NOTCH2NLR: variants seen among roughly 807,000 people sequenced by gnomAD.
The protein encoded by NOTCH2NLR is notch 2 N-terminal like R (pseudogene).
Under a neutral mutation model 35.6 loss-of-function variants are expected in NOTCH2NLR, and 33 were observed. The observed-to-expected ratio is 0.93, with a 90% CI of 0.70 to 1.24. NOTCH2NLR has a LOEUF of 1.24. Among genes scored for constraint, NOTCH2NLR ranks in the 50% most tolerant of loss-of-function variants. The pLI is 0.00. For synonymous variants in NOTCH2NLR, 103 were observed against 141.0 expected (o/e 0.73, Z 1.91); for missense variants, 276 against 362.2 (o/e 0.76, Z 1.93).
In NOTCH2NLR at chr1:120,759,455, C is replaced by A. The variant is rs1307471515; in HGVS notation, c.74-4173C>A. On this transcript the variant is annotated intron_variant, in intron 1 of 4. Transcript: ENST00000624419. ...TAAAGCATCAGTTTAAACATCAATT[C>A]TCTATGGTATGATTAATGTTTCTTT... Among the ~76,000 whole-genome samples the A allele has an allele frequency of 1.2e-4, 7 of 59,118 alleles. 1 individual carries two copies. The Admixed American group carries it at 1.2e-3, about 10-fold the overall frequency. The allele number at this position is 59,118 out of a possible 152,430, so 38.8% of individuals were successfully genotyped here.
intron 2 of NOTCH2NLR, 22 bp from the exon 3 acceptor site, chr1:120,784,952 G>A: frequency 7.5e-7 from 1 of 1,335,940 alleles, no homozygotes; most frequent in South Asian, 1.3e-5. Context: ...TGTTTTCATG[G>A]ACTCTTCTCT....
chr1:120,752,674 C>A (rs1651038748), intron 1 of NOTCH2NLR, among the ~76,000 whole-genome samples: 1 of 46,858 alleles, frequency 2.1e-5, no homozygotes, highest in Non-Finnish European at 3.4e-5. Flanking sequence ...GGGTTCATGC[C>A]ATTCTCCTGC....
At chr1:120,760,274 G>A (rs1391960624) in intron 1 of NOTCH2NLR, among the ~76,000 whole-genome samples, 5 of 71,764 alleles carry the variant, frequency 7.0e-5, no homozygotes, top group African/African-American at 1.3e-4. Context: ...TGCAACCTCC[G>A]CCCCCCAGGT....
intron 2 of NOTCH2NLR, among the ~76,000 whole-genome samples, chr1:120,769,586 G>T (rs1188216724): frequency 1.6e-5 from 2 of 121,388 alleles, no homozygotes; most frequent in Non-Finnish European, 3.3e-5. Context: ...TGTTTTTTTG[G>T]CTCATTAAAT....
chr1:120,776,013 G>A (rs1459877989), intron 2 of NOTCH2NLR, among the ~76,000 whole-genome samples: 1 of 104,188 alleles, frequency 9.6e-6, no homozygotes, highest in East Asian at 2.3e-4. Flanking sequence ...TAGGTAAATA[G>A]CTCAACCCAG....
intron 1 of NOTCH2NLR, among the ~76,000 whole-genome samples, chr1:120,729,693 A>G (rs1650855568): frequency 8.5e-6 from 1 of 117,624 alleles, no homozygotes; most frequent in Non-Finnish European, 1.6e-5. Context: ...AATAACATTT[A>G]TCAAGCAGTG....
chr1:120,790,535 C>CCTTCCTTCCTTT (rs1256273353), intron 3 of NOTCH2NLR, among the ~76,000 whole-genome samples: 1 of 76,630 alleles, frequency 1.3e-5, no homozygotes, highest in East Asian at 3.2e-4. Flanking sequence ...TTTCTCCCTC[C>CCTTCCTTCCTTT]CTTTCTTTCT....
chr1:120,762,527 G>A lies in NOTCH2NLR; in HGVS notation c.74-1101G>A, dbSNP rs1284084269. Among the ~76,000 whole-genome samples the A allele has an allele frequency of 4.2e-4, 48 of 114,788 alleles. 12 individuals carry two copies. Among genetic ancestry groups the A allele is most frequent in the African/African-American group, 2.0e-3 (44 of 21,812 alleles). The allele number at this position is 114,788 out of a possible 152,430, so 75.3% of individuals were successfully genotyped here. A position where few individuals can be genotyped will look rare whatever the true frequency, so the allele number is the denominator to read the frequency against. On this transcript the variant is annotated intron_variant, in intron 1 of 4. Transcript: ENST00000624419. ...TGTGGTTAGAGGAAACTTGGAGGGG[G>A]GAACTTCTCAGTTTTGCTTTCAGGT...
At position 120,793,404 on chromosome 1, in the gene NOTCH2NLR, G is replaced by T; in HGVS notation, c.659G>T (p.Arg220Ile). The change falls in exon 4 of 5, where the codon AGA becomes ATA. Residue 220 changes from arginine to isoleucine, a missense_variant. Arg to Ile is a moderately conservative substitution (Grantham distance 97). Coordinates refer to ENST00000624419, the Ensembl canonical transcript of NOTCH2NLR. The stretch of plus-strand genomic sequence containing the variant: ...GGCTTCACAGGCCAGTACTGTGACA[G>T]ACTGTATGTGCCCTGTGCACACTCG... 7.6e-6 allele frequency: 11 copies of T among 1,441,088 alleles called. 2 individuals are homozygous for T. Among genetic ancestry groups the T allele is most frequent in the Non-Finnish European group, 9.3e-6 (10 of 1,078,166 alleles). The allele number at this position is 1,441,088 out of a possible 1,614,324, so 89.3% of individuals were successfully genotyped here. A position where few individuals can be genotyped will look rare whatever the true frequency, so the allele number is the denominator to read the frequency against.
rs1222220452 is a variant in NOTCH2NLR at position 120,767,849 on chromosome 1, T to C, written c.155+4140T>C. 1.7e-4 allele frequency among the ~76,000 whole-genome samples: 19 copies of C among 112,178 alleles called. 3 individuals are homozygous for C. Among genetic ancestry groups the C allele is most frequent in the Non-Finnish European group, 3.0e-4 (18 of 59,392 alleles). The allele number at this position is 112,178 out of a possible 152,430, so 73.6% of individuals were successfully genotyped here. On this transcript the variant is annotated intron_variant, in intron 2 of 4. Transcript: ENST00000624419. ...GTAGGTTAGGTTATGATTTGTATAA[T>C]TGACAAAATATGTATTTTAAGGACA...
At position 120,791,321 on chromosome 1, in the gene NOTCH2NLR, C is replaced by T. The variant is rs1298233196; in HGVS notation, c.416-1840C>T. Reference sequence around the variant, plus strand: ...GATATATACCCAAAGAATTATAAATCGTGCTGCTATAAAGACACATGCACA... The same window carrying T: ...GATATATACCCAAAGAATTATAAATTGTGCTGCTATAAAGACACATGCACA... On this transcript the variant is annotated intron_variant, in intron 3 of 4. Transcript: ENST00000624419. 4.5e-5 allele frequency among the ~76,000 whole-genome samples: 4 copies of T among 88,612 alleles called. 1 individual carries two copies. The highest frequency in any genetic ancestry group is 2.7e-4 in the East Asian group (1 of 3,742). The allele number at this position is 88,612 out of a possible 152,430, so 58.1% of individuals were successfully genotyped here.
intron 2 of NOTCH2NLR, among the ~76,000 whole-genome samples, chr1:120,768,755 TAA>T (rs1361009429): frequency 1.2e-5 from 1 of 83,814 alleles, no homozygotes; most frequent in Non-Finnish European, 2.1e-5. Context: ...TAGTCTGATA[TAA>T]GTTACTCTGC....
At chr1:120,794,210 C>G (rs1307076342), downstream of NOTCH2NLR, among the ~76,000 whole-genome samples, 3 of 115,748 alleles carry the variant, frequency 2.6e-5, 1 homozygote, top group Non-Finnish European at 4.9e-5. Flanking sequence ...GCACACACAA[C>G]CCAAAGATAG....
intron 2 of NOTCH2NLR, among the ~76,000 whole-genome samples, chr1:120,783,731 G>A (rs1233856518): frequency 4.3e-5 from 5 of 117,554 alleles, no homozygotes; most frequent in Admixed American, 1.6e-4. Flanking sequence ...GTGCAGTCCA[G>A]ACTTAAACGT....
At position 120,735,253 on chromosome 1, in the gene NOTCH2NLR, C is replaced by T. The variant is rs1374377061; in HGVS notation, c.73+11003C>T. Among the ~76,000 whole-genome samples, 8 of 49,086 alleles carry T rather than the reference C, an allele frequency of 1.6e-4. 2 individuals are homozygous for T. The highest frequency in any genetic ancestry group is 5.8e-4 in the Admixed American group (3 of 5,184). 32.2% of individuals were successfully genotyped at this position (49,086 alleles called of 152,430 possible). ...TAATTTTTTGTAGTTTTAGTAGAGA[C>T]GGGGTTTCTCTATGTTGGGCAGGCT... On this transcript the variant is annotated intron_variant, in intron 1 of 4. Transcript: ENST00000624419.
At chr1:120,743,899 A>G (rs1196865917) in intron 1 of NOTCH2NLR, among the ~76,000 whole-genome samples, 1 of 110,998 alleles carries the variant, frequency 9.0e-6, no homozygotes, top group Non-Finnish European at 1.8e-5. Context: ...GTTTGCAGCA[A>G]TTAGGCTTTA....
rs1651422387 is a variant in NOTCH2NLR, at chr1:120,786,430, C to A, written c.415+1197C>A. ...AGTAGTTTCTGAATACGTTTTCTTG[C>A]CTTTATTCTCTCCCCATCTCATTCA... On this transcript the variant is annotated intron_variant, in intron 3 of 4. Transcript: ENST00000624419. 1.9e-5 allele frequency among the ~76,000 whole-genome samples: 2 copies of A among 105,742 alleles called. 1 individual carries two copies. The highest frequency in any genetic ancestry group is 3.5e-5 in the Non-Finnish European group (2 of 57,358). 69.4% of individuals were successfully genotyped at this position (105,742 alleles called of 152,430 possible).
intron 3 of NOTCH2NLR, among the ~76,000 whole-genome samples, chr1:120,788,084 G>T (rs1439276566): frequency 0.026 from 1,622 of 62,076 alleles, 359 homozygotes; most frequent in Admixed American, 0.033. Context: ...ACCATTTGTA[G>T]TCCCGCCTGG....
chr1:120,784,223 A>G lies in NOTCH2NLR; in HGVS notation c.156-751A>G, dbSNP rs1260610898. On this transcript the variant is annotated intron_variant, in intron 2 of 4. Transcript: ENST00000624419. ...TAAATAGAAATCAAACTTTATTAAT[A>G]CAGTAGGTCTAGTTTCACATAAAGC... is the stretch of plus-strand genomic sequence containing the variant. Among the ~76,000 whole-genome samples, 5 of 118,856 alleles carry G rather than the reference A, an allele frequency of 4.2e-5. 2 individuals carry two copies. Among genetic ancestry groups the G allele is most frequent in the African/African-American group, 2.4e-4 (5 of 20,706 alleles). The allele number at this position is 118,856 out of a possible 152,430, so 78.0% of individuals were successfully genotyped here.
Sources: allele counts gnomAD v4.1 joint callset (sites outside exome capture counted in the v4.1 genomes callset), GRCh38; gene constraint gnomAD v4.1.1; transcripts MANE v1.5; gene names NCBI Gene and HGNC (gene_info 2026-07-23, HGNC 2026-07-21).